CYTH1: variants seen among roughly 807,000 people sequenced by gnomAD.
CYTH1 encodes the protein cytohesin 1, also known as cytohesin-1.
Under a neutral mutation model 61.8 loss-of-function variants are expected in CYTH1, and 18 were observed. The observed-to-expected ratio is 0.29, with a 90% CI of 0.20 to 0.43. The LOEUF (loss-of-function observed/expected upper bound fraction) is 0.43. Among genes scored for constraint, CYTH1 ranks in the 20% least tolerant of loss-of-function variants. The probability of loss-of-function intolerance (pLI) is 1.00; values close to 1 mark genes in which losing one functional copy is unlikely to be tolerated. For missense variants in CYTH1, 336 were observed against 510.5 expected, an observed-to-expected ratio of 0.66 and a Z score of 3.29; for synonymous variants, 174 against 184.3, an observed-to-expected ratio of 0.94 and a Z score of 0.45.
chr17:78,701,959 A>C (rs2093014737), intron 5 of CYTH1, among the ~76,000 whole-genome samples, 163 bp downstream of exon 5: 1 of 152,088 alleles, frequency 6.6e-6, no homozygotes, highest in East Asian at 1.9e-4. Flanking sequence ...CCCAGAAAAG[A>C]CCCATCACTA....
At chr17:78,746,504 T>C (rs902372316) in intron 1 of CYTH1, among the ~76,000 whole-genome samples, 4 of 151,164 alleles carry the variant, frequency 2.6e-5, no homozygotes, top group African/African-American at 9.8e-5. Flanking sequence ...AGTTTCCTAC[T>C]TCCTCTGTCT....
intron 12 of CYTH1, 54 bp downstream of exon 12, chr17:78,680,917 T>C (rs1324787040): frequency 2.5e-6 from 4 of 1,570,062 alleles, no homozygotes; most frequent in South Asian, 2.3e-5. Flanking sequence ...AAAAAAAATC[T>C]TTGAAATGCC....
chr17:78,692,050 T>G, intron 11 of CYTH1: 1 of 180,640 alleles, frequency 5.5e-6, no homozygotes, highest in Non-Finnish European at 1.2e-5. Flanking sequence ...ATTATTTCCT[T>G]TTTCTTTTCA....
At chr17:78,733,468 C>G (rs2093305391) in intron 1 of CYTH1, among the ~76,000 whole-genome samples, 2 of 151,642 alleles carry the variant, frequency 1.3e-5, no homozygotes, top group South Asian at 4.1e-4. Flanking sequence ...TTTTTTTTCT[C>G]TTACTGAAAT....
chr17:78,747,197 T>A (rs1300835732), intron 1 of CYTH1, among the ~76,000 whole-genome samples: 4 of 129,696 alleles, frequency 3.1e-5, no homozygotes, highest in Non-Finnish European at 6.3e-5. Flanking sequence ...ATGCTAAGGA[T>A]CAGGCTCTGA....
rs1567879404 is a variant in CYTH1, at chr17:78,760,462, T to TAC, written c.22+21739_22+21740insGT. Among the ~76,000 whole-genome samples, 121 of 49,276 alleles carry TAC rather than the reference T, an allele frequency of 2.5e-3. 16 individuals carry two copies. The highest frequency in any genetic ancestry group is 0.011 in the African/African-American group (119 of 11,066). 32.3% of individuals were successfully genotyped at this position (49,276 alleles called of 152,430 possible). On this transcript the variant is annotated intron_variant, in intron 1 of 13. Transcript: ENST00000446868. ...ATATATGTATATATATATACATACA[T>TAC]ATATATATGTATATATATGTATGTA...
intron 1 of CYTH1, among the ~76,000 whole-genome samples, chr17:78,735,177 G>A (rs2093314851): frequency 6.6e-6 from 1 of 152,160 alleles, no homozygotes; most frequent in African/African-American, 2.4e-5. Flanking sequence ...CTACCTCTAA[G>A]CTCCCGGCCC....
intron 1 of CYTH1, among the ~76,000 whole-genome samples, chr17:78,726,454 T>C (rs2093267468): frequency 6.6e-6 from 1 of 152,148 alleles, no homozygotes. Flanking sequence ...AGACATGGTT[T>C]CGGCCCTCCA....
At chr17:78,761,115 G>A (rs1307774473) in intron 1 of CYTH1, among the ~76,000 whole-genome samples, 3 of 152,058 alleles carry the variant, frequency 2.0e-5, no homozygotes, top group African/African-American at 7.2e-5. Flanking sequence ...TTACAGGTGT[G>A]AGCCACCGCG....
intron 3 of CYTH1, among the ~76,000 whole-genome samples, chr17:78,705,129 G>A (rs1598855637): frequency 6.6e-6 from 1 of 152,154 alleles, no homozygotes; most frequent in African/African-American, 2.4e-5. Context: ...AGCGTCAGAG[G>A]TGCCCACAGA....
intron 3 of CYTH1, among the ~76,000 whole-genome samples, chr17:78,704,399 CA>C (rs1489104422): frequency 9.2e-5 from 14 of 152,190 alleles, no homozygotes; most frequent in African/African-American, 3.4e-4. Flanking sequence ...TCTCCGAGAG[CA>C]AAAAAGTTGC....
chr17:78,697,826 T>C (rs1243970124), intron 9 of CYTH1, among the ~76,000 whole-genome samples: 1 of 152,074 alleles, frequency 6.6e-6, no homozygotes, highest in Non-Finnish European at 1.5e-5. Flanking sequence ...CCAGTGGTTA[T>C]GGGGACAGGG....
At chr17:78,738,982 C>T (rs2093331850) in intron 1 of CYTH1, among the ~76,000 whole-genome samples, 1 of 152,254 alleles carries the variant, frequency 6.6e-6, no homozygotes, top group Admixed American at 6.5e-5. Flanking sequence ...CCAAACTTAA[C>T]TTCTGCCAGT....
intron 2 of CYTH1, 126 bp downstream of exon 2, chr17:78,709,524 G>A: frequency 1.2e-6 from 1 of 860,008 alleles, no homozygotes; most frequent in Non-Finnish European, 1.9e-6. Flanking sequence ...TACGCTTTGT[G>A]CAGAGCTGTA....
chr17:78,689,851 T>G (rs933792302), intron 11 of CYTH1, among the ~76,000 whole-genome samples: 2 of 152,170 alleles, frequency 1.3e-5, no homozygotes, highest in Admixed American at 6.5e-5. Context: ...CCTGTTCAGT[T>G]TGCCTCCTCC....
At chr17:78,765,218 C>T (rs2093443779) in intron 1 of CYTH1, among the ~76,000 whole-genome samples, 1 of 152,064 alleles carries the variant, frequency 6.6e-6, no homozygotes, top group Non-Finnish European at 1.5e-5. Flanking sequence ...GGAGGCCCTC[C>T]CTGAGGCATC....
At chr17:78,685,899 A>G (rs2092811626) in intron 11 of CYTH1, among the ~76,000 whole-genome samples, 1 of 152,168 alleles carries the variant, frequency 6.6e-6, no homozygotes, top group South Asian at 2.1e-4. Flanking sequence ...AAGCTGCTGG[A>G]GATGATCTGC....
chr17:78,763,413 C>T (rs1373824878), intron 1 of CYTH1, among the ~76,000 whole-genome samples: 3 of 152,114 alleles, frequency 2.0e-5, no homozygotes, highest in African/African-American at 7.2e-5. Flanking sequence ...CACAAATCAC[C>T]TTACTGTAGG....
chr17:78,741,636 T>A (rs193018114), intron 1 of CYTH1, among the ~76,000 whole-genome samples: 45 of 152,112 alleles, frequency 3.0e-4, no homozygotes, highest in Admixed American at 5.9e-4. Flanking sequence ...CAAGACGGGG[T>A]GCGAGGGCAT....
Sources: allele counts gnomAD v4.1 joint callset (sites outside exome capture counted in the v4.1 genomes callset), GRCh38; gene constraint gnomAD v4.1.1; transcripts MANE v1.5; gene names NCBI Gene and HGNC (gene_info 2026-07-23, HGNC 2026-07-21).